Variants in CELF4 observed in about 807,000 individuals in gnomAD.
The protein encoded by CELF4 is CUGBP Elav-like family member 4.
A neutral mutation model predicts 59.9 loss-of-function variants in CELF4; 18 were observed. The ratio of observed to expected loss-of-function variants is 0.30; its 90% CI spans 0.21 to 0.45. The LOEUF (loss-of-function observed/expected upper bound fraction) is 0.45. CELF4 is among the 20% of genes least tolerant of loss of function. The probability of loss-of-function intolerance (pLI) is 1.00; values close to 1 mark genes in which losing one functional copy is unlikely to be tolerated. For synonymous variants in CELF4, 261 were observed against 267.1 expected, an observed-to-expected ratio of 0.98 and a Z score of 0.22; for missense variants, 456 against 689.0, an observed-to-expected ratio of 0.66 and a Z score of 3.79.
intron 1 of CELF4, among the ~76,000 whole-genome samples, chr18:37,557,764 C>T (rs940232090): frequency 3.3e-5 from 5 of 152,052 alleles, no homozygotes; most frequent in Non-Finnish European, 5.9e-5. Flanking sequence ...GCTGTTCTGT[C>T]CCCACAGAAG....
chr18:37,397,129 C>A (rs765720127), intron 2 of CELF4, among the ~76,000 whole-genome samples: 1 of 152,164 alleles, frequency 6.6e-6, no homozygotes, highest in Non-Finnish European at 1.5e-5. Flanking sequence ...AACCCTCATG[C>A]CTCCCAGACA....
At chr18:37,278,787 A>G (rs2093732315) in intron 3 of CELF4, among the ~76,000 whole-genome samples, 1 of 152,190 alleles carries the variant, frequency 6.6e-6, no homozygotes, top group Non-Finnish European at 1.5e-5. Context: ...GCCACATCTT[A>G]TGATGGGGAA....
chr18:37,458,653 G>T (rs560871538), intron 2 of CELF4, among the ~76,000 whole-genome samples: 2 of 152,142 alleles, frequency 1.3e-5, no homozygotes, highest in Non-Finnish European at 2.9e-5. Context: ...TGAAGGGCTC[G>T]TCACTGGCTT....
chr18:37,386,444 A>T (rs529843174), intron 2 of CELF4, among the ~76,000 whole-genome samples: 2 of 152,262 alleles, frequency 1.3e-5, no homozygotes, highest in South Asian at 4.1e-4. Flanking sequence ...TGGAGAGGCC[A>T]GCTTGAGGGA....
At chr18:37,470,944 A>C (rs2099823021) in intron 2 of CELF4, among the ~76,000 whole-genome samples, 1 of 140,702 alleles carries the variant, frequency 7.1e-6, no homozygotes, top group South Asian at 2.4e-4. Context: ...CTTTACATTT[A>C]TTATAAATCT....
chr18:37,429,896 C>T (rs775134303), intron 2 of CELF4, among the ~76,000 whole-genome samples: 1 of 152,196 alleles, frequency 6.6e-6, no homozygotes, highest in Non-Finnish European at 1.5e-5. Flanking sequence ...GTGTCAGGCA[C>T]ACACCTGCAC....
chr18:37,564,422 T>C (rs965404173), intron 1 of CELF4, among the ~76,000 whole-genome samples: 1 of 152,162 alleles, frequency 6.6e-6, no homozygotes, highest in African/African-American at 2.4e-5. Context: ...ACAATTCCCA[T>C]GACCACTTTC....
chr18:37,448,798 C>T (rs1013518999), intron 2 of CELF4, among the ~76,000 whole-genome samples: 8 of 152,188 alleles, frequency 5.3e-5, no homozygotes, highest in Non-Finnish European at 8.8e-5. Context: ...ATGAAAGTTC[C>T]GTTTGGTACT....
rs559396341 is a variant in CELF4 at position 37,294,140 on chromosome 18, G to A, written c.449-18897C>T. ...TGTGGCACGGGTGAGGGTGGGGGCA[G>A]GCTGGGGGACTCCCACGGTTCTGTG... On this transcript the variant is annotated intron_variant, in intron 3 of 12. Coordinates refer to ENST00000420428, the MANE Select transcript of CELF4 (RefSeq NM_020180.4). 3.3e-5 allele frequency among the ~76,000 whole-genome samples: 5 copies of A among 152,330 alleles called. No individual in the cohort carries two copies. The East Asian group carries it at 9.7e-4, about 29-fold the overall frequency.
intron 2 of CELF4, among the ~76,000 whole-genome samples, chr18:37,384,420 G>A (rs935689656): frequency 1.3e-5 from 2 of 152,132 alleles, no homozygotes; most frequent in African/African-American, 2.4e-5. Context: ...ACACATAGGT[G>A]GGGCAGGGTG....
chr18:37,484,890 T>TC (rs1223537752), intron 2 of CELF4, among the ~76,000 whole-genome samples: 2 of 152,056 alleles, frequency 1.3e-5, no homozygotes, highest in South Asian at 4.2e-4. Context: ...CGTATATCTC[T>TC]CCCCCCTCAC....
At chr18:37,501,509 TAGA>T (rs1355773944) in intron 1 of CELF4, among the ~76,000 whole-genome samples, 3 of 151,992 alleles carry the variant, frequency 2.0e-5, no homozygotes, top group African/African-American at 7.3e-5. Context: ...GGCAGGGAAA[TAGA>T]AGAAGAAAGA....
At chr18:37,307,669 T>A (rs888139648) in intron 3 of CELF4, among the ~76,000 whole-genome samples, 5 of 151,952 alleles carry the variant, frequency 3.3e-5, no homozygotes, top group Non-Finnish European at 5.9e-5. Context: ...AGGGAGGACG[T>A]CTGCGTAGAG....
intron 1 of CELF4, among the ~76,000 whole-genome samples, chr18:37,514,343 T>C (rs2099948160): frequency 6.6e-6 from 1 of 152,132 alleles, no homozygotes; most frequent in Admixed American, 6.5e-5. Context: ...AGGAACACTG[T>C]TTTCTGGCCC....
At chr18:37,550,086 G>GGC (rs796196821) in intron 1 of CELF4, among the ~76,000 whole-genome samples, 1 of 127,488 alleles carries the variant, frequency 7.8e-6, no homozygotes, top group Admixed American at 7.9e-5. Flanking sequence ...CAATGGGTGG[G>GGC]GGGGGGGGAT....
At chr18:37,268,325 G>T (rs72900330) in intron 8 of CELF4, among the ~76,000 whole-genome samples, 19,089 of 152,122 alleles carry the variant, frequency 0.13, 1,291 homozygotes, top group Middle Eastern at 0.15. Flanking sequence ...TGGGAGGGTG[G>T]TCTCCTCTCT....
intron 2 of CELF4, among the ~76,000 whole-genome samples, chr18:37,392,222 G>C (rs1402868788): frequency 6.6e-6 from 1 of 152,216 alleles, no homozygotes; most frequent in African/African-American, 2.4e-5. Context: ...GCTGGGGCTA[G>C]GACAGGCTCC....
intron 2 of CELF4, among the ~76,000 whole-genome samples, chr18:37,431,222 T>G (rs1229196123): frequency 6.6e-6 from 1 of 152,162 alleles, no homozygotes; most frequent in Non-Finnish European, 1.5e-5. Context: ...ACCAACTGAC[T>G]GATTAAAAAG....
In CELF4 at chr18:37,533,574, G is replaced by C. The variant is rs1176682583; in HGVS notation, c.286+31782C>G. 9.8e-5 allele frequency among the ~76,000 whole-genome samples: 15 copies of C among 152,340 alleles called. 1 individual carries two copies. The South Asian group carries it at 3.1e-3, about 32-fold the overall frequency. On this transcript the variant is annotated intron_variant, in intron 1 of 12. Coordinates refer to ENST00000420428, the MANE Select transcript of CELF4 (RefSeq NM_020180.4). ...AGGGCAACTATTCACATGGCAGAAG[G>C]ATTCTTTTATTTCTAAAAGGATCCC... is the stretch of plus-strand genomic sequence containing the variant.
Sources: gnomAD v4.1 joint callset for allele counts (sites outside exome capture counted in the v4.1 genomes callset) on GRCh38, gnomAD v4.1.1 for gene constraint, MANE v1.5 for transcripts, NCBI Gene and HGNC (gene_info 2026-07-23, HGNC 2026-07-21) for gene names.